The following TLN2 variants were observed in gnomAD, a reference collection of about 807,000 sequenced individuals.
The protein encoded by TLN2 is talin-2.
In TLN2, 118 loss-of-function variants were observed where a neutral mutation model predicts 294.7. The ratio of observed to expected loss-of-function variants is 0.40; its 90% CI spans 0.34 to 0.47. TLN2 has a LOEUF of 0.47. TLN2 is among the 20% of genes least tolerant of loss of function. The pLI, the probability that TLN2 is intolerant of heterozygous loss-of-function variation, is 0.84. For missense variants in TLN2, 3,083 were observed against 3,282.2 expected (o/e 0.94, Z 1.48); for synonymous variants, 1,431 against 1,304.5 (o/e 1.10, Z -2.09).
chr15:62,418,604 T>C (rs2034215789), intron 1 of TLN2, among the ~76,000 whole-genome samples: 1 of 152,194 alleles, frequency 6.6e-6, no homozygotes, highest in Non-Finnish European at 1.5e-5. Context: ...GCAACAAGGC[T>C]GTTTATTTCA....
intron 12 of TLN2, among the ~76,000 whole-genome samples, chr15:62,690,875 G>A (rs1486331173): frequency 4.6e-4 from 69 of 151,464 alleles, no homozygotes; most frequent in East Asian, 2.9e-3. Flanking sequence ...CCAGTCAGGC[G>A]TGGCGGTGCG....
At chr15:62,592,173 G>T in intron 2 of TLN2, among the ~76,000 whole-genome samples, 1 of 152,178 alleles carries the variant, frequency 6.6e-6, no homozygotes, top group South Asian at 2.1e-4. Flanking sequence ...ATGATGTGGG[G>T]AAGAGCAGCA....
intron 3 of TLN2, among the ~76,000 whole-genome samples, chr15:62,635,880 G>A (rs931720875): frequency 2.6e-5 from 4 of 152,018 alleles, no homozygotes; most frequent in Non-Finnish European, 4.4e-5. Flanking sequence ...GCACTGTATC[G>A]ATTTCTCTAT....
chr15:62,840,802 A>G lies in TLN2; in HGVS notation c.*192A>G, dbSNP rs1202132806. The G allele has an allele frequency of 4.0e-5, 29 of 733,852 alleles. No homozygotes were observed. Among genetic ancestry groups the G allele is most frequent in the Non-Finnish European group, 5.7e-5 (27 of 471,360 alleles). The allele number at this position is 733,852 out of a possible 1,614,324, so 45.5% of individuals were successfully genotyped here. A position where few individuals can be genotyped will look rare whatever the true frequency, so the allele number is the denominator to read the frequency against. On this transcript the variant is annotated 3_prime_UTR_variant, in exon 59 of 59. Transcript: ENST00000636159. ...CATGATCGTGATGTCACACGGTACA[A>G]TGTCCTACCCACAACTCCTCTGCCG...
At chr15:62,577,813 A>T (rs2044562131) in intron 1 of TLN2, among the ~76,000 whole-genome samples, 1 of 152,144 alleles carries the variant, frequency 6.6e-6, no homozygotes, top group Non-Finnish European at 1.5e-5. Context: ...CATTTACATT[A>T]GGTATTTCTC....
intron 37 of TLN2, among the ~76,000 whole-genome samples, chr15:62,759,549 A>T (rs1474816864): frequency 1.3e-5 from 2 of 152,192 alleles, no homozygotes; most frequent in African/African-American, 4.8e-5. Flanking sequence ...TTTTAGTCTG[A>T]AGAAGTTCAG....
intron 1 of TLN2, among the ~76,000 whole-genome samples, chr15:62,483,501 C>G (rs2038219024): frequency 2.0e-5 from 3 of 152,224 alleles, no homozygotes; most frequent in Non-Finnish European, 4.4e-5. Flanking sequence ...GGATTGATCT[C>G]TCAGACAGCC....
At chr15:62,470,684 C>A (rs1284327231) in intron 1 of TLN2, among the ~76,000 whole-genome samples, 1 of 152,210 alleles carries the variant, frequency 6.6e-6, no homozygotes, top group Non-Finnish European at 1.5e-5. Context: ...AGCTCTGGGA[C>A]AGCCCCCAGC....
At chr15:62,453,019 T>C (rs1430480113) in intron 1 of TLN2, among the ~76,000 whole-genome samples, 1 of 152,244 alleles carries the variant, frequency 6.6e-6, no homozygotes, top group Non-Finnish European at 1.5e-5. Flanking sequence ...TCATTTATAG[T>C]ATAAGTATCT....
At chr15:62,485,754 G>A (rs923038204) in intron 1 of TLN2, among the ~76,000 whole-genome samples, 3 of 152,084 alleles carry the variant, frequency 2.0e-5, no homozygotes, top group African/African-American at 4.8e-5. Flanking sequence ...CCGCTTCCTG[G>A]CTCAATCTGT....
intron 1 of TLN2, among the ~76,000 whole-genome samples, chr15:62,521,262 A>G (rs1370915974): frequency 1.3e-5 from 2 of 152,198 alleles, no homozygotes; most frequent in Non-Finnish European, 1.5e-5. Context: ...TGTTGAGAGC[A>G]AAGAATGGCT....
intron 1 of TLN2, among the ~76,000 whole-genome samples, chr15:62,546,731 C>T (rs1230370784): frequency 2.0e-5 from 3 of 152,282 alleles, no homozygotes; most frequent in Non-Finnish European, 2.9e-5. Context: ...ACAGCGAAGG[C>T]GGAGTCCTTT....
intron 1 of TLN2, among the ~76,000 whole-genome samples, chr15:62,516,744 G>A (rs758791012): frequency 2.0e-5 from 3 of 152,202 alleles, no homozygotes; most frequent in Non-Finnish European, 4.4e-5. Context: ...ATCATACCAC[G>A]ACTCATTTGC....
intron 1 of TLN2, among the ~76,000 whole-genome samples, chr15:62,525,327 A>G (rs566323686): frequency 9.5e-4 from 145 of 152,342 alleles, no homozygotes; most frequent in African/African-American, 3.4e-3. Flanking sequence ...ATGTATACCA[A>G]TCTCTTTGAG....
chr15:62,754,251 C>T (rs12904153), intron 36 of TLN2: 121,872 of 175,766 alleles, frequency 0.69, 42,967 homozygotes, highest in Non-Finnish European at 0.75. Context: ...CGCAGGGCTC[C>T]GTTTTCTACC....
In TLN2 at chr15:62,769,891, A is replaced by G. The variant is rs150024606; in HGVS notation, c.5197-1073A>G. On this transcript the variant is annotated intron_variant, in intron 41 of 58. Coordinates refer to ENST00000636159, the MANE Select transcript of TLN2 (RefSeq NM_015059.3). ...AGTGTGATTCATGCCATTGTATTTTATCTGAGTGAGGATAGATTCTGAGAG... is the reference window on the plus strand; with the variant it reads ...AGTGTGATTCATGCCATTGTATTTTGTCTGAGTGAGGATAGATTCTGAGAG... Among the ~76,000 whole-genome samples, 7 of 152,334 alleles carry G rather than the reference A, an allele frequency of 4.6e-5. No individual in the cohort carries two copies. In the East Asian group the frequency reaches 5.8e-4, roughly 13 times the overall value.
chr15:62,759,371 C>T (rs147095097), intron 37 of TLN2, among the ~76,000 whole-genome samples: 167 of 152,324 alleles, frequency 1.1e-3, no homozygotes, highest in African/African-American at 4.0e-3. Flanking sequence ...CTTTGACCTG[C>T]AAATAGCAAT....
At chr15:62,717,515 C>G in intron 23 of TLN2, 61 bp from the exon 24 acceptor site, 1 of 1,181,928 alleles carries the variant, frequency 8.5e-7, no homozygotes, top group African/African-American at 1.5e-5. Context: ...TGGAAGTGAC[C>G]TGTAGAACAT....
intron 1 of TLN2, among the ~76,000 whole-genome samples, chr15:62,513,490 C>A (rs921488309): frequency 6.6e-6 from 1 of 152,158 alleles, no homozygotes; most frequent in Non-Finnish European, 1.5e-5. Context: ...CTTCCTGTTT[C>A]GACAGGGAAA....
Sources: gnomAD v4.1 joint callset for allele counts (sites outside exome capture counted in the v4.1 genomes callset) on GRCh38, gnomAD v4.1.1 for gene constraint, MANE v1.5 for transcripts, NCBI Gene and HGNC (gene_info 2026-07-23, HGNC 2026-07-21) for gene names.